The following KDM5A variants were observed in gnomAD, a reference collection of about 807,000 sequenced individuals.
The protein encoded by KDM5A is lysine demethylase 5A, also known as lysine-specific demethylase 5A.
In KDM5A, 42 loss-of-function variants were observed where a neutral mutation model predicts 193.5. That is an observed-to-expected ratio of 0.22 (90% CI 0.17 to 0.28). The LOEUF (loss-of-function observed/expected upper bound fraction) is 0.28, where lower values mean the gene tolerates loss of function less well. Ranked by LOEUF, KDM5A falls within the 10% of genes least tolerant of loss-of-function variation. The pLI is 1.00. For synonymous variants in KDM5A, 796 were observed against 718.1 expected (o/e 1.11, Z -1.73); for missense variants, 1,692 against 2,055.1 (o/e 0.82, Z 3.42).
intron 16 of KDM5A, 82 bp from the exon 17 acceptor site, chr12:322,649 AG>A: frequency 8.9e-7 from 1 of 1,121,606 alleles, no homozygotes; most frequent in Admixed American, 1.7e-5. Context: ...ACCTCACTCA[AG>A]TGAGTCCCCA....
chr12:373,648 T>C (rs1289529481), intron 3 of KDM5A, among the ~76,000 whole-genome samples: 1 of 152,218 alleles, frequency 6.6e-6, no homozygotes, highest in Non-Finnish European at 1.5e-5. Flanking sequence ...TACTTCCTTC[T>C]CTAGTTCTTT....
chr12:341,944 A>C (rs1365969839), intron 10 of KDM5A, among the ~76,000 whole-genome samples: 1 of 151,560 alleles, frequency 6.6e-6, no homozygotes, highest in Non-Finnish European at 1.5e-5. Context: ...AAAAAAAGAC[A>C]TGGGACACAG....
At position 292,662 on chromosome 12, in the gene KDM5A, A is replaced by G. The variant is rs1370054603; in HGVS notation, c.4866+97T>C. 4 of 1,514,214 alleles carry G rather than the reference A, an allele frequency of 2.6e-6. No individual in the cohort carries two copies. In the African/African-American group the frequency reaches 4.1e-5, roughly 16 times the overall value. 93.8% of individuals were successfully genotyped at this position (1,514,214 alleles called of 1,614,324 possible). On this transcript the variant is annotated intron_variant, in intron 27 of 27. Coordinates refer to ENST00000399788, the MANE Select transcript of KDM5A (RefSeq NM_001042603.3). The stretch of plus-strand genomic sequence containing the variant: ...ACATTATGTTGGAAGTCCAAATCCT[A>G]GAACCAAAAACATACTACACATTGA...
intron 3 of KDM5A, among the ~76,000 whole-genome samples, chr12:379,578 A>G (rs1280133611): frequency 6.6e-6 from 1 of 152,240 alleles, no homozygotes; most frequent in Non-Finnish European, 1.5e-5. Flanking sequence ...GCAATCTCAC[A>G]ATGACATTTA....
chr12:373,975 T>C (rs1944467444), intron 3 of KDM5A, among the ~76,000 whole-genome samples: 1 of 152,178 alleles, frequency 6.6e-6, no homozygotes, highest in Non-Finnish European at 1.5e-5. Flanking sequence ...TCTTTTTCAT[T>C]TGCTGAGGAG....
chr12:352,413 T>A, intron 8 of KDM5A, 89 bp from the exon 9 acceptor site: 1 of 1,203,580 alleles, frequency 8.3e-7, no homozygotes, highest in Admixed American at 1.7e-5. Flanking sequence ...TTTGATCATT[T>A]CCCTAGGTAA....
intron 10 of KDM5A, among the ~76,000 whole-genome samples, chr12:349,135 C>T (rs1218725953): frequency 1.3e-5 from 2 of 151,340 alleles, no homozygotes; most frequent in East Asian, 3.9e-4. Context: ...ATTATCCTGC[C>T]TTAGCCTCCC....
At chr12:381,114 C>T (rs1591942556) in intron 3 of KDM5A, among the ~76,000 whole-genome samples, 2 of 152,294 alleles carry the variant, frequency 1.3e-5, no homozygotes, top group East Asian at 3.9e-4. Flanking sequence ...CCTGCCTCGG[C>T]CTCCCAAGTA....
In KDM5A at chr12:377,056, G is replaced by A. The variant is rs1054606155; in HGVS notation, c.366+6975C>T. On this transcript the variant is annotated intron_variant, in intron 3 of 27. Coordinates refer to ENST00000399788, the MANE Select transcript of KDM5A (RefSeq NM_001042603.3). ...AAGGAAAAAAAAAAAGTCTTAAGAAGTAGCAGCAGTACCTCTAAAATTAGG... is the reference window on the plus strand; with the variant it reads ...AAGGAAAAAAAAAAAGTCTTAAGAAATAGCAGCAGTACCTCTAAAATTAGG... Among the ~76,000 whole-genome samples the A allele has an allele frequency of 3.3e-5, 5 of 151,270 alleles. No individual in the cohort carries two copies. In the South Asian group the frequency reaches 6.3e-4, roughly 19 times the overall value.
chr12:296,027 C>T (rs1943366856), intron 25 of KDM5A, among the ~76,000 whole-genome samples: 1 of 152,014 alleles, frequency 6.6e-6, no homozygotes, highest in Admixed American at 6.5e-5. Flanking sequence ...TAATAAAAAA[C>T]AGTTCTTCCA....
intron 1 of KDM5A, among the ~76,000 whole-genome samples, chr12:387,822 T>C (rs1479439932): frequency 6.6e-6 from 1 of 152,232 alleles, no homozygotes; most frequent in Admixed American, 6.5e-5. Flanking sequence ...TTTAAGTTTT[T>C]AATACGCTGC....
At chr12:314,154 C>T (rs932597133) in intron 19 of KDM5A, among the ~76,000 whole-genome samples, 3 of 152,096 alleles carry the variant, frequency 2.0e-5, no homozygotes, top group Admixed American at 6.6e-5. Flanking sequence ...TGTTCTAGGT[C>T]CTGGAAATTG....
intron 3 of KDM5A, among the ~76,000 whole-genome samples, chr12:380,626 G>C (rs902329060): frequency 6.6e-6 from 1 of 152,126 alleles, no homozygotes; most frequent in Non-Finnish European, 1.5e-5. Flanking sequence ...AGAAGGCTGA[G>C]GCATGAGAAT....
intron 5 of KDM5A, among the ~76,000 whole-genome samples, chr12:358,405 C>A (rs1280806922): frequency 6.6e-6 from 1 of 152,162 alleles, no homozygotes; most frequent in Non-Finnish European, 1.5e-5. Flanking sequence ...GATTTGGTTA[C>A]ACTAACCAAC....
At chr12:333,340 G>T in intron 12 of KDM5A, 147 bp downstream of exon 12, 1 of 817,930 alleles carries the variant, frequency 1.2e-6, no homozygotes, top group African/African-American at 1.7e-5. Context: ...AACTGCTTGA[G>T]CTGAGCAGGC....
At chr12:348,322 A>G (rs1421958517) in intron 10 of KDM5A, among the ~76,000 whole-genome samples, 2 of 152,248 alleles carry the variant, frequency 1.3e-5, no homozygotes, top group East Asian at 3.8e-4. Flanking sequence ...GGGACTGTAC[A>G]CTAGTTCAAC....
intron 8 of KDM5A, among the ~76,000 whole-genome samples, chr12:353,746 C>T (rs760256345): frequency 5.9e-5 from 9 of 151,802 alleles, no homozygotes; most frequent in Non-Finnish European, 1.3e-4. Flanking sequence ...CATGGTGAAA[C>T]CATGGTCTCT....
chr12:340,694 CA>C (rs375465074), intron 10 of KDM5A, among the ~76,000 whole-genome samples: 4,749 of 50,842 alleles, frequency 0.093, 55 homozygotes, highest in African/African-American at 0.23. Context: ...GACTCCATCA[CA>C]AAAAAAAAAA....
chr12:324,518 AT>A (rs1267162758), intron 14 of KDM5A, among the ~76,000 whole-genome samples: 1 of 152,226 alleles, frequency 6.6e-6, no homozygotes, highest in Non-Finnish European at 1.5e-5. Flanking sequence ...AATTGTGCAA[AT>A]TAAAATATAA....
Sources: gnomAD v4.1 joint callset for allele counts (sites outside exome capture counted in the v4.1 genomes callset) on GRCh38, gnomAD v4.1.1 for gene constraint, MANE v1.5 for transcripts, NCBI Gene and HGNC (gene_info 2026-07-23, HGNC 2026-07-21) for gene names.